The following ILDR1 variants were observed in gnomAD, a reference collection of about 807,000 sequenced individuals.
ILDR1 encodes immunoglobulin like domain containing receptor 1.
Under a neutral mutation model 62.4 loss-of-function variants are expected in ILDR1, and 56 were observed. The observed-to-expected ratio is 0.90, with a 90% confidence interval of 0.72 to 1.12. The LOEUF (loss-of-function observed/expected upper bound fraction) is 1.12. Among genes scored for constraint, ILDR1 ranks in the 50% most tolerant of loss-of-function variants. The probability of loss-of-function intolerance (pLI) is 0.00; values close to 1 mark genes in which losing one functional copy is unlikely to be tolerated. For synonymous variants in ILDR1, 284 were observed against 277.8 expected (o/e 1.02, Z -0.22); for missense variants, 736 against 710.6 (o/e 1.04, Z -0.41).
chr3:122,011,677 T>TCACACACACACACA lies in ILDR1; in HGVS notation c.59-4530_59-4517dup, dbSNP rs10530548. 3.6e-4 allele frequency among the ~76,000 whole-genome samples: 48 copies of TCACACACACACACA among 133,224 alleles called. 1 individual carries two copies. The highest frequency in any genetic ancestry group is 8.6e-4 in the African/African-American group (29 of 33,876). The allele number at this position is 133,224 out of a possible 152,430, so 87.4% of individuals were successfully genotyped here. On this transcript the variant is annotated intron_variant, in intron 1 of 7. Transcript: ENST00000344209. ...CTTTCTCTCTCTCTCTCTCTCTCTT[T>TCACACACACACACA]CACACACACACACACACACGGGAAG...
At chr3:122,040,902 G>C in the ILDR1 span, among the ~76,000 whole-genome samples, 3 of 151,976 alleles carry the variant, frequency 2.0e-5, no homozygotes, top group African/African-American at 7.3e-5. Flanking sequence ...AGAAAGAATT[G>C]ATGAGTTACA....
chr3:122,003,353 T>C (rs1358392127), intron 3 of ILDR1, among the ~76,000 whole-genome samples: 1 of 152,198 alleles, frequency 6.6e-6, no homozygotes, highest in Non-Finnish European at 1.5e-5. Context: ...TATCTACAAT[T>C]TTTTTCCTAC....
chr3:122,025,497 C>A (rs550917428), upstream of ILDR1, among the ~76,000 whole-genome samples: 18 of 152,258 alleles, frequency 1.2e-4, no homozygotes, highest in East Asian at 3.5e-3. Context: ...GAACACAATA[C>A]CCTTCACCAC....
the ILDR1 span, among the ~76,000 whole-genome samples, chr3:122,030,123 T>C: frequency 6.6e-6 from 1 of 151,570 alleles, no homozygotes; most frequent in Non-Finnish European, 1.5e-5. Context: ...CAAAAGCCAC[T>C]TATAAAACCA....
chr3:121,994,102 G>T, intron 6 of ILDR1, 80 bp downstream of exon 6: 3 of 1,516,682 alleles, frequency 2.0e-6, no homozygotes, highest in Non-Finnish European at 2.7e-6. Flanking sequence ...TGCCGCATCG[G>T]TCACAGAGGT....
intron 3 of ILDR1, among the ~76,000 whole-genome samples, chr3:122,003,996 G>T (rs537819786): frequency 9.1e-4 from 138 of 151,868 alleles, no homozygotes; most frequent in African/African-American, 3.1e-3. Context: ...AAAACTGAGG[G>T]CTGGCTTGGG....
the ILDR1 span, among the ~76,000 whole-genome samples, chr3:122,047,588 C>T: frequency 4.0e-3 from 615 of 152,250 alleles, 2 homozygotes; most frequent in South Asian, 0.016. Flanking sequence ...TAGGACCCTC[C>T]GAGCCAGGTG....
intron 5 of ILDR1, among the ~76,000 whole-genome samples, chr3:121,999,123 A>G (rs2071479917): frequency 6.6e-6 from 1 of 152,156 alleles, no homozygotes; most frequent in Admixed American, 6.5e-5. Context: ...GCCTGAAACC[A>G]GACTCAGGCC....
chr3:122,011,339 T>C (rs2071699039), intron 1 of ILDR1, among the ~76,000 whole-genome samples: 1 of 152,138 alleles, frequency 6.6e-6, no homozygotes, highest in Non-Finnish European at 1.5e-5. Context: ...TTGCAGAATC[T>C]GACACCCTTG....
chr3:122,001,536 C>CA, intron 4 of ILDR1, 82 bp from the exon 5 acceptor site: 1 of 1,541,138 alleles, frequency 6.5e-7, no homozygotes, highest in Non-Finnish European at 9.0e-7. Flanking sequence ...CTAGAGGTCT[C>CA]ATAAACACAG....
the ILDR1 span, among the ~76,000 whole-genome samples, chr3:122,058,548 G>C: frequency 6.6e-6 from 1 of 152,114 alleles, no homozygotes; most frequent in African/African-American, 2.4e-5. Flanking sequence ...CAAGACCTGG[G>C]TAATTAAATA....
chr3:121,994,294 G>T lies in ILDR1; in HGVS notation c.666C>A (p.Tyr222Ter). The change falls in exon 6 of 8, where the codon TAC becomes TAA. Residue 222 changes from tyrosine (Y) to a stop codon, truncating the protein, a stop_gained. Transcript: ENST00000344209. LOFTEE classifies it high-confidence loss of function. ...CPEEALARHR[Y>*]MKQAQALGPQ... ...GACCTAGGGCCTGGGCCTGCTTCAT[G>T]TAGCGGTGGCGGGCCAGGGCTGCAG... 2 of 1,535,516 alleles carry T rather than the reference G, an allele frequency of 1.3e-6. No homozygotes were observed. Among genetic ancestry groups the T allele is most frequent in the Non-Finnish European group, 1.7e-6 (2 of 1,146,424 alleles).
intron 2 of ILDR1, among the ~76,000 whole-genome samples, 177 bp downstream of exon 2, chr3:122,006,814 T>A (rs1185639483): frequency 1.3e-5 from 2 of 152,150 alleles, no homozygotes; most frequent in African/African-American, 2.4e-5. Context: ...AATACATTAT[T>A]TCATCTACCT....
At chr3:122,023,284 G>GTTT (rs1309085371), upstream of ILDR1, among the ~76,000 whole-genome samples, 2 of 151,990 alleles carry the variant, frequency 1.3e-5, no homozygotes, top group African/African-American at 4.8e-5. Context: ...CCAGATCAAG[G>GTTT]TTTTGACCTT....
At chr3:122,061,438 A>T in the ILDR1 span, among the ~76,000 whole-genome samples, 7 of 152,232 alleles carry the variant, frequency 4.6e-5, no homozygotes, top group Non-Finnish European at 1.0e-4. Flanking sequence ...CATGACAAAA[A>T]GTTCATTCTC....
At chr3:122,027,533 T>C in the ILDR1 span, among the ~76,000 whole-genome samples, 2 of 152,178 alleles carry the variant, frequency 1.3e-5, no homozygotes, top group Admixed American at 1.3e-4. Flanking sequence ...AAAGATATAT[T>C]GTGTTCTTGG....
At chr3:122,016,301 C>T (rs1464798434) in intron 1 of ILDR1, among the ~76,000 whole-genome samples, 1 of 152,232 alleles carries the variant, frequency 6.6e-6, no homozygotes, top group Admixed American at 6.5e-5. Context: ...CTTTCCTGGC[C>T]TTGTCACAGT....
At chr3:122,021,916 C>T in intron 1 of ILDR1, 104 bp downstream of exon 1, 1 of 1,132,114 alleles carries the variant, frequency 8.8e-7, no homozygotes. Context: ...CAGAGCGCGG[C>T]CCAGGCCTCC....
At chr3:122,027,436 C>T in the ILDR1 span, among the ~76,000 whole-genome samples, 5 of 152,284 alleles carry the variant, frequency 3.3e-5, no homozygotes, top group East Asian at 7.7e-4. Context: ...GTGGTCCACC[C>T]GCCTTGGACC....
Sources: allele counts gnomAD v4.1 joint callset (sites outside exome capture counted in the v4.1 genomes callset), GRCh38; gene constraint gnomAD v4.1.1; transcripts MANE v1.5; gene names NCBI Gene and HGNC (gene_info 2026-07-23, HGNC 2026-07-21).